The following IMMT variants were observed in gnomAD, a reference collection of about 807,000 sequenced individuals.
The protein encoded by IMMT is MICOS complex subunit MIC60.
A neutral mutation model predicts 92.7 loss-of-function variants in IMMT; 40 were observed. The observed-to-expected ratio is 0.43, with a 90% CI of 0.34 to 0.56. IMMT has a LOEUF of 0.56. IMMT is among the 20% of genes least tolerant of loss of function. The pLI is 0.03. For synonymous variants in IMMT, 322 were observed against 336.1 expected, an observed-to-expected ratio of 0.96 and a Z score of 0.46; for missense variants, 831 against 912.1, an observed-to-expected ratio of 0.91 and a Z score of 1.14.
chr2:86,152,457 A>AAAAAAAAAAG (rs1242798734), intron 11 of IMMT, among the ~76,000 whole-genome samples: 3 of 149,822 alleles, frequency 2.0e-5, no homozygotes, highest in South Asian at 2.1e-4. Flanking sequence ...AAAAAAAAAA[A>AAAAAAAAAAG]AGAGAGAATT....
chr2:86,154,338 A>G (rs1014918277), intron 10 of IMMT, among the ~76,000 whole-genome samples: 1 of 149,896 alleles, frequency 6.7e-6, no homozygotes, highest in South Asian at 2.1e-4. Flanking sequence ...ACGCCTGGCT[A>G]ATTTTTATAT....
chr2:86,157,788 C>CAAAAAAAAAAAAAAAA (rs74548175), intron 10 of IMMT, among the ~76,000 whole-genome samples: 1 of 84,216 alleles, frequency 1.2e-5, no homozygotes, highest in Non-Finnish European at 2.0e-5. Flanking sequence ...AACTTTGTCT[C>CAAAAAAAAAAAAAAAA]AAAAAAAAAA....
intron 1 of IMMT, among the ~76,000 whole-genome samples, chr2:86,184,387 G>A (rs1672620700): frequency 6.6e-6 from 1 of 151,972 alleles, no homozygotes; most frequent in Admixed American, 6.6e-5. Context: ...TGTTACCCAA[G>A]CTAGTTTTGA....
chr2:86,167,428 C>A (rs1332858688), intron 6 of IMMT, among the ~76,000 whole-genome samples: 1 of 151,232 alleles, frequency 6.6e-6, no homozygotes, highest in Non-Finnish European at 1.5e-5. Context: ...CCACCCTGGA[C>A]TCCCAAAGTG....
At position 86,144,714 on chromosome 2, in the gene IMMT, C is replaced by T. The variant is rs370171179; in HGVS notation, c.1831G>A (p.Ala611Thr). Residue 611 changes from alanine (A) to threonine (T), a missense_variant, in exon 15 of 15, where the codon GCT becomes ACT. Physicochemically the swap from Ala to Thr is moderately conservative, Grantham distance 58. Coordinates refer to ENST00000410111, the MANE Select transcript of IMMT (RefSeq NM_006839.3). ...ANCSDNEFTQ[A>T]LTAAIPPESL... ...TCTGGAGGGATAGCTGCGGTTAAAG[C>T]TTGGGTGAATTCATTATCAGAACAG... 7.1e-5 allele frequency: 114 copies of T among 1,613,958 alleles called. No individual in the cohort carries two copies. In the African/African-American group the frequency reaches 1.3e-3, roughly 18 times the overall value.
At chr2:86,153,792 A>C (rs1293969087) in intron 10 of IMMT, among the ~76,000 whole-genome samples, 1 of 152,236 alleles carries the variant, frequency 6.6e-6, no homozygotes, top group Non-Finnish European at 1.5e-5. Context: ...AGAAAATAAA[A>C]GAATCATTGA....
intron 1 of IMMT, among the ~76,000 whole-genome samples, 167 bp downstream of exon 1, chr2:86,195,171 C>T (rs1673449566): frequency 6.6e-6 from 1 of 152,250 alleles, no homozygotes; most frequent in Admixed American, 6.5e-5. Flanking sequence ...CCCAGTCCGG[C>T]GAACTCCCTG....
intron 1 of IMMT, 44 bp from the exon 2 acceptor site, chr2:86,181,416 C>A (rs370633438): frequency 7.2e-7 from 1 of 1,381,954 alleles, no homozygotes; most frequent in East Asian, 2.3e-5. Flanking sequence ...TTAAAGGAAA[C>A]TGGTAAGCTT....
intron 8 of IMMT, 95 bp from the exon 9 acceptor site, chr2:86,159,766 T>G (rs1676134626): frequency 9.0e-7 from 1 of 1,115,932 alleles, no homozygotes; most frequent in African/African-American, 1.6e-5. Flanking sequence ...TAAAAGTCTA[T>G]GAAACAGGCT....
At chr2:86,162,821 C>T (rs1032052360) in intron 7 of IMMT, among the ~76,000 whole-genome samples, 5 of 151,786 alleles carry the variant, frequency 3.3e-5, no homozygotes, top group Admixed American at 6.6e-5. Flanking sequence ...TCCAGCCTGG[C>T]GACAGAGAAA....
intron 6 of IMMT, among the ~76,000 whole-genome samples, chr2:86,168,764 C>T (rs1264334752): frequency 6.6e-6 from 1 of 152,054 alleles, no homozygotes; most frequent in South Asian, 2.1e-4. Context: ...CAAATGGTAC[C>T]TCTGCAAGAA....
intron 1 of IMMT, chr2:86,195,050 G>A (rs1673436674): frequency 7.9e-6 from 3 of 379,854 alleles, no homozygotes; most frequent in Non-Finnish European, 1.5e-5. Flanking sequence ...CAGCAGCCAG[G>A]ATTGGTCCTG....
At chr2:86,194,581 A>G (rs781443463) in intron 1 of IMMT, among the ~76,000 whole-genome samples, 11 of 152,182 alleles carry the variant, frequency 7.2e-5, no homozygotes, top group Non-Finnish European at 1.3e-4. Flanking sequence ...GAAAATCATG[A>G]GCAGTGGAAA....
chr2:86,167,615 GC>G (rs1338915040), intron 6 of IMMT, among the ~76,000 whole-genome samples: 1 of 151,418 alleles, frequency 6.6e-6, no homozygotes, highest in Non-Finnish European at 1.5e-5. Flanking sequence ...CTCCTGAGTA[GC>G]TGGGACTACA....
rs754023686 is a variant in IMMT at position 86,166,537 on chromosome 2, T to C, written c.763A>G (p.Ile255Val). Residue 255 changes from isoleucine (I) to valine (V), a missense_variant, in exon 7 of 15, where the codon ATA (isoleucine) becomes GTA (valine). Ile to Val is a conservative substitution (Grantham distance 29). Transcript: ENST00000410111. ...AVQAVNAHSN[I>V]LKAAMDNSEI... is the part of the protein sequence containing the mutation. ...GAATTGTCCATGGCGGCTTTCAATA[T>C]GTTGGAGTGTGCATTGACAGCCTGG... 9 of 1,612,630 alleles carry C rather than the reference T, an allele frequency of 5.6e-6. No individual in the cohort carries two copies. Among genetic ancestry groups the C allele is most frequent in the Non-Finnish European group, 6.8e-6 (8 of 1,179,732 alleles).
At chr2:86,193,740 G>A (rs1298654728) in intron 1 of IMMT, among the ~76,000 whole-genome samples, 1 of 152,168 alleles carries the variant, frequency 6.6e-6, no homozygotes, top group Non-Finnish European at 1.5e-5. Flanking sequence ...AGGAGATGGT[G>A]AGAATAAACC....
intron 6 of IMMT, among the ~76,000 whole-genome samples, chr2:86,169,743 AAAT>A: frequency 6.6e-6 from 1 of 152,174 alleles, no homozygotes; most frequent in African/African-American, 2.4e-5. Context: ...AGGACAGCAA[AAAT>A]AATAATAATG....
At chr2:86,162,846 A>T (rs1475709407) in intron 7 of IMMT, among the ~76,000 whole-genome samples, 1 of 152,202 alleles carries the variant, frequency 6.6e-6, no homozygotes, top group Non-Finnish European at 1.5e-5. Flanking sequence ...ACTTCTCAAA[A>T]AAAAGTTTTC....
chr2:86,178,178 C>T lies in IMMT; in HGVS notation c.309+1255G>A, dbSNP rs185513715. 9.9e-5 allele frequency among the ~76,000 whole-genome samples: 15 copies of T among 151,724 alleles called. No homozygotes were observed. In the East Asian group the frequency reaches 2.1e-3, roughly 22 times the overall value. On this transcript the variant is annotated intron_variant, in intron 3 of 14. Transcript: ENST00000410111. ...AAAAAAATACAAAAAATTAGCCAGG[C>T]GTGGTGGTGAGCGCCTGTAGGCCCA...
Sources: allele counts gnomAD v4.1 joint callset (sites outside exome capture counted in the v4.1 genomes callset), GRCh38; gene constraint gnomAD v4.1.1; transcripts MANE v1.5; gene names NCBI Gene and HGNC (gene_info 2026-07-23, HGNC 2026-07-21).